Variants in EIF3J observed in about 807,000 individuals in gnomAD.
EIF3J encodes eukaryotic translation initiation factor 3, subunit 1 (alpha, 35kD).
EIF3J carries 15 observed loss-of-function variants against 39.0 expected under a neutral mutation model. The observed-to-expected ratio is 0.38, with a 90% CI of 0.26 to 0.59. The LOEUF is 0.59. Ranked by LOEUF, EIF3J falls within the 20% of genes least tolerant of loss-of-function variation. The pLI is 0.60. For synonymous variants in EIF3J, 98 were observed against 112.9 expected (o/e 0.87, Z 0.84); for missense variants, 226 against 308.6 (o/e 0.73, Z 2.00).
intron 3 of EIF3J, 146 bp from the exon 4 acceptor site, chr15:44,551,285 A>G (rs1043636912): frequency 3.2e-6 from 2 of 630,386 alleles, no homozygotes; most frequent in South Asian, 2.3e-5. Context: ...GAAGAGTCCC[A>G]GAAGTTTCCC....
At position 44,537,329 on chromosome 15, in the gene EIF3J, G is replaced by A; in HGVS notation, c.49G>A (p.Asp17Asn). The change falls in exon 2 of 8, where the codon GAC becomes AAC. Residue 17 changes from aspartate to asparagine, a missense_variant. Physicochemically the swap from Asp to Asn is conservative, Grantham distance 23 (BLOSUM62 1). Transcript: ENST00000261868. ...AAGDSDSWDA[D>N]AFSVEDPVRK... is the part of the protein sequence containing the mutation. ...CGGCTCGCTTTCTTCCGTAGACGCC[G>A]ACGCTTTCTCCGTGGAAGACCCAGT... 1.3e-6 allele frequency: 2 copies of A among 1,563,308 alleles called. No individual in the cohort carries two copies. Among genetic ancestry groups the A allele is most frequent in the Non-Finnish European group, 1.7e-6 (2 of 1,154,170 alleles).
At chr15:44,542,021 C>T (rs753987905) in intron 2 of EIF3J, among the ~76,000 whole-genome samples, 4 of 152,112 alleles carry the variant, frequency 2.6e-5, no homozygotes, top group East Asian at 1.9e-4. Flanking sequence ...GTCTTGATAT[C>T]GCTGAGCCAG....
intron 2 of EIF3J, among the ~76,000 whole-genome samples, chr15:44,543,417 CTT>C (rs759322625): frequency 1.8e-4 from 25 of 135,382 alleles, no homozygotes; most frequent in African/African-American, 2.5e-4. Context: ...ATAGGAACCA[CTT>C]TTTTTTTTTT....
chr15:44,546,328 CTTT>C (rs979050607), intron 2 of EIF3J, among the ~76,000 whole-genome samples: 1 of 152,174 alleles, frequency 6.6e-6, no homozygotes, highest in African/African-American at 2.4e-5. Context: ...AATACACTTA[CTTT>C]TTAATACAAA....
At chr15:44,544,430 C>T (rs2082036828) in intron 2 of EIF3J, among the ~76,000 whole-genome samples, 1 of 146,578 alleles carries the variant, frequency 6.8e-6, no homozygotes, top group East Asian at 2.3e-4. Flanking sequence ...ACTGGCCAGG[C>T]GTGGTGGCTC....
At chr15:44,553,464 C>T (rs1055029780) in intron 4 of EIF3J, among the ~76,000 whole-genome samples, 15 of 151,606 alleles carry the variant, frequency 9.9e-5, no homozygotes, top group Non-Finnish European at 1.5e-4. Context: ...TGCACTCCAG[C>T]CCGGGCGACA....
At chr15:44,554,508 G>A (rs371607713) in intron 4 of EIF3J, 45 bp from the exon 5 acceptor site, 14 of 1,163,620 alleles carry the variant, frequency 1.2e-5, no homozygotes, top group African/African-American at 1.5e-5. Flanking sequence ...GGTACTGAGT[G>A]CATCATAATC....
At chr15:44,559,904 T>G (rs1245815653) in intron 6 of EIF3J, among the ~76,000 whole-genome samples, 1 of 152,020 alleles carries the variant, frequency 6.6e-6, no homozygotes, top group Non-Finnish European at 1.5e-5. Context: ...TTACAGGTCG[T>G]CATTATAAAT....
At chr15:44,557,451 ACCT>A (rs2082154508) in intron 5 of EIF3J, 35 bp from the exon 6 acceptor site, 5 of 1,441,196 alleles carry the variant, frequency 3.5e-6, no homozygotes, top group East Asian at 2.7e-5. Context: ...AAAAATCCTA[ACCT>A]CCTGATACTT....
intron 2 of EIF3J, among the ~76,000 whole-genome samples, chr15:44,541,325 A>G (rs1353770083): frequency 6.6e-6 from 1 of 152,248 alleles, no homozygotes; most frequent in Non-Finnish European, 1.5e-5. Flanking sequence ...AGAACAGTTT[A>G]GAAGCTAGAT....
rs969987947 is a variant in EIF3J, at chr15:44,539,635, T to C, written c.147+2208T>C. ...CAGGATGGTCTCAATCTCCTGACCT[T>C]GTGATCTGCCCGCCTTGGCCTCCCA... is the stretch of plus-strand genomic sequence containing the variant. On this transcript the variant is annotated intron_variant, in intron 2 of 7. Coordinates refer to ENST00000261868, the MANE Select transcript of EIF3J (RefSeq NM_003758.4). Among the ~76,000 whole-genome samples the C allele has an allele frequency of 1.3e-4, 19 of 150,750 alleles. 1 individual carries two copies. The highest frequency in any genetic ancestry group is 2.1e-4 in the South Asian group (1 of 4,742).
At chr15:44,559,722 T>A (rs200011367) in intron 6 of EIF3J, among the ~76,000 whole-genome samples, 48 of 143,338 alleles carry the variant, frequency 3.3e-4, no homozygotes, top group East Asian at 2.8e-3. Context: ...AAAAAAAAAA[T>A]AATAGTAATT....
At chr15:44,551,281 TC>T (rs2082096929) in intron 3 of EIF3J, 149 bp from the exon 4 acceptor site, 1 of 613,598 alleles carries the variant, frequency 1.6e-6, no homozygotes, top group South Asian at 2.3e-5. Context: ...GAAGGAAGAG[TC>T]CCAGAAGTTT....
At chr15:44,555,312 A>G (rs761990238) in intron 5 of EIF3J, among the ~76,000 whole-genome samples, 3 of 152,224 alleles carry the variant, frequency 2.0e-5, no homozygotes, top group Non-Finnish European at 4.4e-5. Flanking sequence ...CCTGTTGAGT[A>G]CTTTTCAGAG....
At chr15:44,539,695 C>T (rs568991353) in intron 2 of EIF3J, among the ~76,000 whole-genome samples, 14 of 151,742 alleles carry the variant, frequency 9.2e-5, no homozygotes, top group East Asian at 5.8e-4. Context: ...CCACCACACC[C>T]GGCCCCAGTT....
chr15:44,543,475 G>A (rs1042036106), intron 2 of EIF3J, among the ~76,000 whole-genome samples: 11 of 150,224 alleles, frequency 7.3e-5, no homozygotes, highest in African/African-American at 2.2e-4. Flanking sequence ...GGGCAGTGGC[G>A]CAGTCTCGGC....
At chr15:44,552,911 C>T (rs934825453) in intron 4 of EIF3J, among the ~76,000 whole-genome samples, 3 of 152,094 alleles carry the variant, frequency 2.0e-5, no homozygotes, top group Non-Finnish European at 2.9e-5. Context: ...AAACAGCCTG[C>T]GTGGTGGCTC....
chr15:44,555,928 G>T (rs1042465263), intron 5 of EIF3J, among the ~76,000 whole-genome samples: 2 of 152,030 alleles, frequency 1.3e-5, no homozygotes, highest in Non-Finnish European at 1.5e-5. Context: ...GCTGAGATCG[G>T]CTCACTGCAA....
At chr15:44,551,386 G>A in intron 3 of EIF3J, 45 bp from the exon 4 acceptor site, 2 of 1,275,140 alleles carry the variant, frequency 1.6e-6, no homozygotes, top group Non-Finnish European at 2.2e-6. Context: ...TCCATAAACT[G>A]GAAAATACTC....
Sources: allele counts gnomAD v4.1 joint callset (sites outside exome capture counted in the v4.1 genomes callset), GRCh38; gene constraint gnomAD v4.1.1; transcripts MANE v1.5; gene names NCBI Gene and HGNC (gene_info 2026-07-23, HGNC 2026-07-21).